The following CDH8 variants were observed in gnomAD, a reference collection of about 807,000 sequenced individuals.
CDH8 encodes cadherin 8.
Under a neutral mutation model 68.1 loss-of-function variants are expected in CDH8, and 17 were observed. The ratio of observed to expected loss-of-function variants is 0.25; its 90% CI spans 0.17 to 0.37. The LOEUF (loss-of-function observed/expected upper bound fraction) is 0.37. CDH8 is among the 10% of genes least tolerant of loss of function. CDH8 has a pLI of 1.00. For synonymous variants in CDH8, 372 were observed against 365.1 expected, an observed-to-expected ratio of 1.02 and a Z score of -0.21; for missense variants, 763 against 999.3, an observed-to-expected ratio of 0.76 and a Z score of 3.19.
intron 8 of CDH8, among the ~76,000 whole-genome samples, chr16:61,765,380 T>C (rs1193150379): frequency 6.6e-6 from 1 of 152,020 alleles, no homozygotes; most frequent in African/African-American, 2.4e-5. Context: ...AGCCATGATT[T>C]CAAAGATTTA....
At chr16:62,030,548 A>C (rs1410117830) in intron 1 of CDH8, among the ~76,000 whole-genome samples, 6 of 152,124 alleles carry the variant, frequency 3.9e-5, no homozygotes, top group African/African-American at 1.2e-4. Context: ...AAAGGAAATA[A>C]TTTCCTTGTG....
intron 10 of CDH8, among the ~76,000 whole-genome samples, chr16:61,683,521 C>T (rs1460824447): frequency 6.6e-6 from 1 of 151,962 alleles, no homozygotes; most frequent in East Asian, 1.9e-4. Context: ...TAACCAGTCA[C>T]AATTAAGGAT....
At chr16:61,876,852 A>C (rs1006912483) in intron 3 of CDH8, among the ~76,000 whole-genome samples, 1 of 152,108 alleles carries the variant, frequency 6.6e-6, no homozygotes, top group Non-Finnish European at 1.5e-5. Context: ...TGGTATACGG[A>C]TCAGCATATG....
intron 10 of CDH8, among the ~76,000 whole-genome samples, chr16:61,664,171 T>C (rs1200851590): frequency 6.6e-6 from 1 of 151,972 alleles, no homozygotes; most frequent in Non-Finnish European, 1.5e-5. Flanking sequence ...TGAAGATGTA[T>C]GTATTCTTTA....
chr16:61,972,425 T>C (rs565601559), intron 2 of CDH8, among the ~76,000 whole-genome samples: 1 of 152,306 alleles, frequency 6.6e-6, no homozygotes, highest in South Asian at 2.1e-4. Context: ...AGTGTAATCA[T>C]CTTGTATTAC....
At chr16:61,817,969 C>T (rs1962119852) in intron 6 of CDH8, 1 of 398,378 alleles carries the variant, frequency 2.5e-6, no homozygotes, top group Admixed American at 4.1e-5. Context: ...GCTCATTTCA[C>T]TTGGAATTCA....
chr16:61,733,641 A>G (rs1452397573), intron 8 of CDH8, among the ~76,000 whole-genome samples: 1 of 151,928 alleles, frequency 6.6e-6, no homozygotes, highest in East Asian at 1.9e-4. Flanking sequence ...CAGCCTATTA[A>G]TATGTTCCTT....
At chr16:61,816,720 T>C (rs1005883688) in intron 7 of CDH8, among the ~76,000 whole-genome samples, 5 of 151,952 alleles carry the variant, frequency 3.3e-5, no homozygotes, top group Admixed American at 1.3e-4. Flanking sequence ...ACCTGTACTG[T>C]CATTTGGGTG....
At chr16:61,989,698 A>G (rs1567558684) in intron 2 of CDH8, among the ~76,000 whole-genome samples, 1 of 152,236 alleles carries the variant, frequency 6.6e-6, no homozygotes, top group Non-Finnish European at 1.5e-5. Flanking sequence ...ACTGAATTGC[A>G]TTAGAGTCTA....
chr16:61,792,262 T>G (rs1961395652), intron 7 of CDH8, among the ~76,000 whole-genome samples: 3 of 151,982 alleles, frequency 2.0e-5, no homozygotes, highest in African/African-American at 7.2e-5. Context: ...ATACAGCCCT[T>G]TAGTGAGATC....
At chr16:62,024,922 C>A (rs1902161673) in intron 1 of CDH8, among the ~76,000 whole-genome samples, 1 of 152,158 alleles carries the variant, frequency 6.6e-6, no homozygotes, top group Non-Finnish European at 1.5e-5. Flanking sequence ...ATGTCAGGTA[C>A]TGGGGAGAGA....
At chr16:61,887,072 A>G (rs1302078057) in intron 3 of CDH8, among the ~76,000 whole-genome samples, 19 of 152,194 alleles carry the variant, frequency 1.2e-4, no homozygotes, top group Non-Finnish European at 2.9e-5. Context: ...TTTCACACAA[A>G]CTTTCAAACA....
At chr16:61,859,874 G>A (rs1466004770) in intron 3 of CDH8, among the ~76,000 whole-genome samples, 2 of 152,278 alleles carry the variant, frequency 1.3e-5, no homozygotes, top group East Asian at 3.9e-4. Context: ...TTGAGAGGGA[G>A]CCTTGCTCTG....
Position 61,746,792 on chromosome 16 carries a change from A to G in CDH8, c.1415-19577T>C, listed in dbSNP as rs1193328632. On this transcript the variant is annotated intron_variant, in intron 8 of 11. Transcript: ENST00000577390. ...TATCTTTAGTTGATGCTCTGGCTAC[A>G]AAGCCAGACCAATTTCTTGAGACCG... is the stretch of plus-strand genomic sequence containing the variant. Among the ~76,000 whole-genome samples, 4 of 152,218 alleles carry G rather than the reference A, an allele frequency of 2.6e-5. No individual in the cohort carries two copies. The East Asian group carries it at 7.7e-4, about 29-fold the overall frequency.
chr16:61,928,774 T>C (rs1964494126), intron 2 of CDH8, among the ~76,000 whole-genome samples: 1 of 152,238 alleles, frequency 6.6e-6, no homozygotes, highest in African/African-American at 2.4e-5. Context: ...CTACATTGTA[T>C]TCTAAGAGGC....
rs1223907594 is a variant in CDH8, at chr16:61,650,811, G to A, written c.*2797C>T. 6.6e-6 allele frequency: 1 copy of A among 151,424 alleles called. No homozygotes were observed. The allele number at this position is 151,424 out of a possible 1,614,324, so 9.4% of individuals were successfully genotyped here. A position where few individuals can be genotyped will look rare whatever the true frequency, so the allele number is the denominator to read the frequency against. On this transcript the variant is annotated 3_prime_UTR_variant, in exon 12 of 12. Coordinates refer to ENST00000577390, the MANE Select transcript of CDH8 (RefSeq NM_001796.5). The stretch of plus-strand genomic sequence containing the variant: ...CTAAAAGTATAGGTCAATCTTATTA[G>A]GATCAAGGTATTAGTCACTTTATTC...
chr16:61,789,561 T>C (rs759850260), intron 7 of CDH8, 79 bp from the exon 8 acceptor site: 3 of 1,289,958 alleles, frequency 2.3e-6, no homozygotes, highest in Non-Finnish European at 3.1e-6. Context: ...TAGTAATCCT[T>C]GGAGAGCCAT....
chr16:61,901,186 G>T lies in CDH8; in HGVS notation c.540C>A (p.Ser180=). 1 of 1,612,510 alleles carries T rather than the reference G, an allele frequency of 6.2e-7. No homozygotes were observed. The highest frequency in any genetic ancestry group is 8.5e-7 in the Non-Finnish European group (1 of 1,179,222). ...AATTGGAAGCATACATACCCAAAAT[G>T]GACATTTCTGGCACAGTAGCATGAT... ...GPYHATVPEM[S]ILGTSVTNVT... Residue 180 remains serine (S), a synonymous_variant, in exon 3 of 12, where the codon TCC becomes TCA. Coordinates refer to ENST00000577390, the MANE Select transcript of CDH8 (RefSeq NM_001796.5).
chr16:61,788,485 A>G (rs1961292975), intron 8 of CDH8, among the ~76,000 whole-genome samples: 1 of 152,032 alleles, frequency 6.6e-6, no homozygotes, highest in South Asian at 2.1e-4. Context: ...AAAGTCCTTT[A>G]TAGAAAGAAG....
Sources: allele counts gnomAD v4.1 joint callset (sites outside exome capture counted in the v4.1 genomes callset), GRCh38; gene constraint gnomAD v4.1.1; transcripts MANE v1.5; gene names NCBI Gene and HGNC (gene_info 2026-07-23, HGNC 2026-07-21).